TOPAZ1: variants seen among roughly 807,000 people sequenced by gnomAD.
TOPAZ1 encodes the protein testis and ovary specific TOPAZ 1, also known as protein TOPAZ1.
In TOPAZ1, 66 loss-of-function variants were observed where a neutral mutation model predicts 172.2. The ratio of observed to expected loss-of-function variants is 0.38; its 90% CI spans 0.31 to 0.47. The LOEUF is 0.47. Among genes scored for constraint, TOPAZ1 ranks in the 20% least tolerant of loss-of-function variants. The pLI is 0.99. For missense variants in TOPAZ1, 1,822 were observed against 1,972.4 expected (o/e 0.92, Z 1.44); for synonymous variants, 681 against 683.9 (o/e 1.00, Z 0.07).
chr3:44,257,231 G>C (rs891172374), intron 4 of TOPAZ1, among the ~76,000 whole-genome samples: 4 of 151,648 alleles, frequency 2.6e-5, no homozygotes, highest in Non-Finnish European at 5.9e-5. Flanking sequence ...GCTACTTGGC[G>C]GGGTGGAGGT....
chr3:44,295,866 C>A (rs1489771982), intron 12 of TOPAZ1, among the ~76,000 whole-genome samples: 1 of 152,152 alleles, frequency 6.6e-6, no homozygotes. Flanking sequence ...CTCCATCAAT[C>A]AACAGGGTTT....
At chr3:44,316,686 T>G (rs1188490145) in intron 16 of TOPAZ1, among the ~76,000 whole-genome samples, 1 of 152,198 alleles carries the variant, frequency 6.6e-6, no homozygotes, top group African/African-American at 2.4e-5. Flanking sequence ...TTTTAGGCAG[T>G]CCTTAGTCAT....
At chr3:44,298,927 T>A (rs1372235656) in intron 12 of TOPAZ1, among the ~76,000 whole-genome samples, 2 of 51,678 alleles carry the variant, frequency 3.9e-5, no homozygotes, top group African/African-American at 1.3e-4. Flanking sequence ...TTTTTTTTTT[T>A]TTTTTTTCCC....
At chr3:44,297,675 G>A (rs1700214616) in intron 12 of TOPAZ1, among the ~76,000 whole-genome samples, 1 of 152,034 alleles carries the variant, frequency 6.6e-6, no homozygotes, top group Non-Finnish European at 1.5e-5. Flanking sequence ...CATACAGATT[G>A]GAAGTGAAGA....
At chr3:44,304,410 G>A (rs1700311653) in intron 13 of TOPAZ1, among the ~76,000 whole-genome samples, 2 of 152,164 alleles carry the variant, frequency 1.3e-5, no homozygotes. Context: ...GAAAGCTGAG[G>A]TACTTGTCAT....
At chr3:44,272,891 A>G (rs2125687572) in intron 8 of TOPAZ1, among the ~76,000 whole-genome samples, 1 of 152,252 alleles carries the variant, frequency 6.6e-6, no homozygotes, top group Non-Finnish European at 1.5e-5. Flanking sequence ...GATTACTTGT[A>G]TTCTTTCTAT....
At chr3:44,307,772 A>C (rs1210676368) in intron 15 of TOPAZ1, among the ~76,000 whole-genome samples, 4 of 152,166 alleles carry the variant, frequency 2.6e-5, no homozygotes, top group Non-Finnish European at 5.9e-5. Context: ...AAAGAAAAAA[A>C]TTTTTAACCT....
chr3:44,292,093 A>G (rs770449664), intron 12 of TOPAZ1, among the ~76,000 whole-genome samples: 1 of 152,216 alleles, frequency 6.6e-6, no homozygotes, highest in Non-Finnish European at 1.5e-5. Context: ...ATTGTGCCCT[A>G]GATGCCTCGG....
intron 4 of TOPAZ1, among the ~76,000 whole-genome samples, chr3:44,257,173 A>T (rs1389746110): frequency 6.6e-6 from 1 of 151,808 alleles, no homozygotes; most frequent in African/African-American, 2.4e-5. Context: ...TACAAAAAAA[A>T]ATTTTTTTTT....
intron 12 of TOPAZ1, among the ~76,000 whole-genome samples, chr3:44,297,913 T>C (rs1324845380): frequency 2.0e-5 from 3 of 152,144 alleles, no homozygotes; most frequent in African/African-American, 4.8e-5. Context: ...AGTAAAAATC[T>C]GACTGAACAC....
At position 44,279,086 on chromosome 3, in the gene TOPAZ1, G is replaced by A. The variant is rs1243103779; in HGVS notation, c.3373-2882G>A. ...TTCTTCTTAATTTCTTTCTTGACCC[G>A]ATGGTCATTCAGGAGCAGGTTGTTT... is the stretch of plus-strand genomic sequence containing the variant. On this transcript the variant is annotated intron_variant, in intron 8 of 19. Coordinates refer to ENST00000309765, the MANE Select transcript of TOPAZ1 (RefSeq NM_001145030.2). 5.3e-5 allele frequency among the ~76,000 whole-genome samples: 8 copies of A among 151,908 alleles called. No individual in the cohort carries two copies. The East Asian group carries it at 1.2e-3, about 22-fold the overall frequency.
At chr3:44,274,715 C>A (rs12637930) in intron 8 of TOPAZ1, among the ~76,000 whole-genome samples, 69,284 of 151,526 alleles carry the variant, frequency 0.46, 17,138 homozygotes, top group East Asian at 0.8. Flanking sequence ...CCAACATGCC[C>A]GGCTAATTTT....
chr3:44,324,569 T>C (rs1339639075), intron 18 of TOPAZ1, among the ~76,000 whole-genome samples: 1 of 152,136 alleles, frequency 6.6e-6, no homozygotes, highest in Non-Finnish European at 1.5e-5. Context: ...TTTTTATAAA[T>C]ATTTCTATTT....
rs899330194 is a variant in TOPAZ1, at chr3:44,256,314, G to T, written c.2955+36G>T. 5.3e-6 allele frequency: 8 copies of T among 1,502,482 alleles called. No individual in the cohort carries two copies. The Admixed American group carries it at 1.4e-4, about 26-fold the overall frequency. 93.1% of individuals were successfully genotyped at this position (1,502,482 alleles called of 1,614,324 possible). A position where few individuals can be genotyped will look rare whatever the true frequency, so the allele number is the denominator to read the frequency against. On this transcript the variant is annotated intron_variant, in intron 4 of 19. Coordinates refer to ENST00000309765, the MANE Select transcript of TOPAZ1 (RefSeq NM_001145030.2). ...ATCTTTTGTGTTTTTTTATTTCTTG[G>T]TCTTAAATAGTGGTAATGCATAAAT...
Position 44,323,702 on chromosome 3 carries a change from T to C in TOPAZ1, c.4675+407T>C, listed in dbSNP as rs1700566719. ...AATTGTTATAACTAAAAATATTCAATAGCAGGTCACATCAGAAGCATAAAG... is the reference window on the plus strand; with the variant it reads ...AATTGTTATAACTAAAAATATTCAACAGCAGGTCACATCAGAAGCATAAAG... On this transcript the variant is annotated intron_variant, in intron 18 of 19. Coordinates refer to ENST00000309765, the MANE Select transcript of TOPAZ1 (RefSeq NM_001145030.2). Among the ~76,000 whole-genome samples, 3 of 152,336 alleles carry C rather than the reference T, an allele frequency of 2.0e-5. No individual in the cohort carries two copies. The South Asian group carries it at 6.2e-4, about 32-fold the overall frequency.
chr3:44,282,700 C>T (rs1182888350), intron 9 of TOPAZ1, among the ~76,000 whole-genome samples: 2 of 152,140 alleles, frequency 1.3e-5, no homozygotes, highest in Non-Finnish European at 2.9e-5. Flanking sequence ...CACCCTGACA[C>T]AACCACCAAA....
At chr3:44,290,344 C>T (rs1464486139) in intron 11 of TOPAZ1, among the ~76,000 whole-genome samples, 1 of 152,130 alleles carries the variant, frequency 6.6e-6, no homozygotes, top group Non-Finnish European at 1.5e-5. Flanking sequence ...TGCTATGTTA[C>T]ATGTGGGCAG....
intron 18 of TOPAZ1, among the ~76,000 whole-genome samples, chr3:44,327,926 T>G (rs1041936593): frequency 6.6e-6 from 1 of 152,016 alleles, no homozygotes; most frequent in East Asian, 1.9e-4. Flanking sequence ...TGTATTTTAG[T>G]AGGGATGGGG....
Position 44,243,597 on chromosome 3 carries a change from A to T in TOPAZ1, c.1091A>T (p.Gln364Leu). 1 of 1,550,774 alleles carries T rather than the reference A, an allele frequency of 6.4e-7. No individual in the cohort carries two copies. The highest frequency in any genetic ancestry group is 8.7e-7 in the Non-Finnish European group (1 of 1,146,968). Residue 364 changes from glutamine (Q) to leucine (L), a missense_variant, in exon 2 of 20, where the codon CAA (glutamine) becomes CTA (leucine). By Grantham distance (113) the Gln-to-Leu change is moderately radical. Coordinates refer to ENST00000309765, the MANE Select transcript of TOPAZ1 (RefSeq NM_001145030.2). ...TCTGAGTTGATGTTGCAAGAAAATCAAATGATTGCTGATGGTAAAGAAGCA... is the reference window on the plus strand; with the variant it reads ...TCTGAGTTGATGTTGCAAGAAAATCTAATGATTGCTGATGGTAAAGAAGCA... The part of the protein sequence containing the change: ...NKSELMLQEN[Q>L]MIADGKEAET...
Sources: gnomAD v4.1 joint callset for allele counts (sites outside exome capture counted in the v4.1 genomes callset) on GRCh38, gnomAD v4.1.1 for gene constraint, MANE v1.5 for transcripts, NCBI Gene and HGNC (gene_info 2026-07-23, HGNC 2026-07-21) for gene names.